The following RILPL2 variants were observed in gnomAD, a reference collection of about 807,000 sequenced individuals.
RILPL2 encodes Rab interacting lysosomal protein like 2.
A neutral mutation model predicts 22.2 loss-of-function variants in RILPL2; 19 were observed. The observed-to-expected ratio is 0.86, with a 90% CI of 0.60 to 1.25. RILPL2 has a LOEUF of 1.25. RILPL2 is among the 50% of genes most tolerant of loss of function. The pLI is 0.00. For synonymous variants in RILPL2, 123 were observed against 111.6 expected (o/e 1.10, Z -0.64); for missense variants, 243 against 263.6 (o/e 0.92, Z 0.54).
At chr12:123,427,979 C>T (rs1385672415) in intron 2 of RILPL2, among the ~76,000 whole-genome samples, 2 of 152,244 alleles carry the variant, frequency 1.3e-5, no homozygotes, top group Admixed American at 1.3e-4. Flanking sequence ...AGAATCCTGC[C>T]TCTCTTGGCC....
chr12:123,428,338 G>A (rs1410262911), intron 2 of RILPL2, among the ~76,000 whole-genome samples: 4 of 151,982 alleles, frequency 2.6e-5, no homozygotes, highest in Admixed American at 2.0e-4. Flanking sequence ...GGGTTTCACC[G>A]TGTTAGCCAG....
rs1042269070 is a variant in RILPL2 at position 123,436,619 on chromosome 12, G to T, written c.-199C>A. On this transcript the variant is annotated 5_prime_UTR_variant, in exon 1 of 4. Coordinates refer to ENST00000280571, the MANE Select transcript of RILPL2 (RefSeq NM_145058.3). The surrounding 1 kb of genome is among the most constrained non-coding windows in gnomAD (Gnocchi z 6.7). ...GCCTGCGCCCCGGCGCACCGTCCCC[G>T]CTGCCAGCCACGCTGGAGAGTGCGC... The T allele has an allele frequency of 1.2e-5, 10 of 857,582 alleles. No homozygotes were observed. In the African/African-American group the frequency reaches 1.7e-4, roughly 15 times the overall value. 53.1% of individuals were successfully genotyped at this position (857,582 alleles called of 1,614,324 possible).
intron 1 of RILPL2, among the ~76,000 whole-genome samples, chr12:123,433,650 G>A (rs909899168): frequency 1.3e-5 from 2 of 152,040 alleles, no homozygotes; most frequent in African/African-American, 2.4e-5. Context: ...GGCCTCAAGC[G>A]ATCTGCCTGC....
intron 2 of RILPL2, 27 bp from the exon 3 acceptor site, chr12:123,423,184 G>T (rs1879335500): frequency 1.6e-5 from 19 of 1,179,364 alleles, no homozygotes; most frequent in African/African-American, 3.2e-5. Context: ...AAAATAAATG[G>T]ATTATTTTAT....
intron 2 of RILPL2, among the ~76,000 whole-genome samples, chr12:123,425,485 T>A (rs1879420174): frequency 6.6e-6 from 1 of 151,706 alleles, no homozygotes; most frequent in Non-Finnish European, 1.5e-5. Context: ...GGCCGAATTG[T>A]GTGTCTTTAA....
intron 2 of RILPL2, among the ~76,000 whole-genome samples, chr12:123,426,013 TG>T (rs1474367282): frequency 2.0e-5 from 3 of 152,174 alleles, no homozygotes; most frequent in Non-Finnish European, 4.4e-5. Context: ...CTTGATCCAT[TG>T]CCCAGGCTCA....
intron 3 of RILPL2, among the ~76,000 whole-genome samples, chr12:123,421,582 C>T (rs752851927): frequency 2.6e-5 from 4 of 151,996 alleles, no homozygotes; most frequent in Non-Finnish European, 5.9e-5. Flanking sequence ...GAGGTATTCT[C>T]CCCTGTGCTC....
chr12:123,425,381 GT>G (rs1268884552), intron 2 of RILPL2, among the ~76,000 whole-genome samples: 1 of 151,922 alleles, frequency 6.6e-6, no homozygotes, highest in Non-Finnish European at 1.5e-5. Context: ...GTTTCACCAT[GT>G]TGGCCACGCT....
Position 123,415,626 on chromosome 12 carries a change from G to A in RILPL2, c.*265C>T. 1.8e-6 allele frequency: 1 copy of A among 552,844 alleles called. No individual in the cohort carries two copies. Among genetic ancestry groups the A allele is most frequent in the South Asian group, 2.2e-5 (1 of 45,146 alleles). The allele number at this position is 552,844 out of a possible 1,614,324, so 34.2% of individuals were successfully genotyped here. ...GGGGGTTGACATGGGAGCAGGAAGT[G>A]GACCCCCCCACCCTGCACATCCCTT... On this transcript the variant is annotated 3_prime_UTR_variant, in exon 4 of 4. Coordinates refer to ENST00000280571, the MANE Select transcript of RILPL2 (RefSeq NM_145058.3).
At chr12:123,422,275 C>T (rs1231975319) in intron 3 of RILPL2, among the ~76,000 whole-genome samples, 2 of 151,710 alleles carry the variant, frequency 1.3e-5, no homozygotes, top group African/African-American at 4.8e-5. Flanking sequence ...GTAATCCCAG[C>T]ACTTTGGGAG....
chr12:123,414,068 C>G (rs538858600), downstream of RILPL2: 1 of 154,202 alleles, frequency 6.5e-6, no homozygotes, highest in Non-Finnish European at 1.4e-5. Flanking sequence ...GATCCCGCAC[C>G]GGGGCTGCAG....
downstream of RILPL2, chr12:123,411,434 A>C (rs28551664): frequency 6.6e-6 from 1 of 151,112 alleles, no homozygotes; most frequent in African/African-American, 2.4e-5. Flanking sequence ...AGGAGCTGAG[A>C]TCCTGCCACT....
intron 2 of RILPL2, among the ~76,000 whole-genome samples, chr12:123,424,037 T>G (rs1021957773): frequency 2.6e-5 from 4 of 152,176 alleles, no homozygotes; most frequent in African/African-American, 9.7e-5. Context: ...GTATAAATTC[T>G]CTAACTTAAG....
rs183140277 is a variant in RILPL2 at position 123,426,697 on chromosome 12, G to A, written c.492-3540C>T. Among the ~76,000 whole-genome samples the A allele has an allele frequency of 4.8e-3, 725 of 151,430 alleles. 2 individuals carry two copies. Among genetic ancestry groups the A allele is most frequent in the Non-Finnish European group, 8.4e-3 (569 of 67,828 alleles). On this transcript the variant is annotated intron_variant, in intron 2 of 3. Coordinates refer to ENST00000280571, the MANE Select transcript of RILPL2 (RefSeq NM_145058.3). ...CTCACTGCAGGCTCTGCCCCCCGGG[G>A]CTCACGCCATCCTCCTGCCTCAGCC...
intron 3 of RILPL2, among the ~76,000 whole-genome samples, chr12:123,421,581 T>A (rs981155209): frequency 6.6e-6 from 1 of 151,492 alleles, no homozygotes; most frequent in Non-Finnish European, 1.5e-5. Context: ...AGAGGTATTC[T>A]CCCCTGTGCT....
intron 3 of RILPL2, among the ~76,000 whole-genome samples, chr12:123,422,743 T>C (rs1879320802): frequency 6.6e-6 from 1 of 152,174 alleles, no homozygotes; most frequent in African/African-American, 2.4e-5. Flanking sequence ...ATTTACCCTC[T>C]GTGAGACCTT....
downstream of RILPL2, among the ~76,000 whole-genome samples, chr12:123,410,493 C>T (rs1878940917): frequency 6.6e-6 from 1 of 152,152 alleles, no homozygotes; most frequent in South Asian, 2.1e-4. Flanking sequence ...ATAATCTCTG[C>T]CCACTTGACT....
At chr12:123,418,960 G>A (rs1366355542) in intron 3 of RILPL2, among the ~76,000 whole-genome samples, 1 of 149,832 alleles carries the variant, frequency 6.7e-6, no homozygotes, top group African/African-American at 2.5e-5. Flanking sequence ...CTTGTGATCT[G>A]CCCGCCTCAG....
At chr12:123,434,625 A>C (rs1879740014) in intron 1 of RILPL2, among the ~76,000 whole-genome samples, 1 of 151,444 alleles carries the variant, frequency 6.6e-6, no homozygotes, top group African/African-American at 2.4e-5. Context: ...ATAGAGTTTC[A>C]CCATGTTGGC....
Sources: allele counts gnomAD v4.1 joint callset (sites outside exome capture counted in the v4.1 genomes callset), GRCh38; gene constraint gnomAD v4.1.1; non-coding constraint Gnocchi (gnomAD v3.1); transcripts MANE v1.5; gene names NCBI Gene and HGNC (gene_info 2026-07-23, HGNC 2026-07-21).